Variants in ASAP1 observed in about 807,000 individuals in gnomAD.
The protein encoded by ASAP1 is ArfGAP with SH3 domain, ankyrin repeat and PH domain 1, also known as arf-GAP with SH3 domain, ANK repeat and PH domain-containing protein 1.
A neutral mutation model predicts 145.2 loss-of-function variants in ASAP1; 43 were observed. The observed-to-expected ratio is 0.30, with a 90% CI of 0.23 to 0.38. The LOEUF (loss-of-function observed/expected upper bound fraction) is 0.38, where lower values mean the gene tolerates loss of function less well. Ranked by LOEUF, ASAP1 falls within the 10% of genes least tolerant of loss-of-function variation. The pLI, the probability that ASAP1 is intolerant of heterozygous loss-of-function variation, is 1.00. For missense variants in ASAP1, 1,018 were observed against 1,355.3 expected (o/e 0.75, Z 3.91); for synonymous variants, 546 against 515.5 (o/e 1.06, Z -0.80).
rs1410084805 is a variant in ASAP1 at position 130,228,720 on chromosome 8, AAG to A, written c.259+8200_259+8201del. ...TGTCTTAAAAAAAAAAAAAAAGAAA[AAG>A]AATCTAAATAATGAAAAAAAACAAA... On this transcript the variant is annotated intron_variant, in intron 4 of 29. Transcript: ENST00000518721. Among the ~76,000 whole-genome samples, 32 of 151,924 alleles carry A rather than the reference AAG, an allele frequency of 2.1e-4. No homozygotes were observed. The South Asian group carries it at 6.6e-3, about 32-fold the overall frequency.
intron 2 of ASAP1, among the ~76,000 whole-genome samples, chr8:130,359,686 CAATCTCGGCTCACTG>C (rs2138177985): frequency 6.6e-6 from 1 of 151,280 alleles, no homozygotes; most frequent in South Asian, 2.1e-4. Context: ...TGCAGTGGCG[CAATCTCGGCTCACTG>C]CAAGCTCCGC....
At chr8:130,424,464 T>C (rs973677137) in intron 1 of ASAP1, among the ~76,000 whole-genome samples, 2 of 152,236 alleles carry the variant, frequency 1.3e-5, no homozygotes, top group Admixed American at 6.5e-5. Flanking sequence ...CTCTCTGACT[T>C]TGCTCTTCCC....
At chr8:130,156,256 G>C (rs1565028405) in intron 12 of ASAP1, among the ~76,000 whole-genome samples, 1 of 152,178 alleles carries the variant, frequency 6.6e-6, no homozygotes, top group Non-Finnish European at 1.5e-5. Context: ...AAATGAGTCT[G>C]TTTTCATGTA....
intron 3 of ASAP1, among the ~76,000 whole-genome samples, chr8:130,311,710 G>A (rs1488264865): frequency 8.4e-5 from 11 of 131,572 alleles, no homozygotes; most frequent in African/African-American, 1.5e-4. Flanking sequence ...GCAGTGAACC[G>A]AGATCGCGCC....
chr8:130,118,291 G>T, intron 19 of ASAP1, 45 bp from the exon 20 acceptor site: 2 of 1,570,320 alleles, frequency 1.3e-6, no homozygotes, highest in Non-Finnish European at 1.7e-6. Context: ...AATATGCTCT[G>T]CCAAGGGAGG....
intron 9 of ASAP1, among the ~76,000 whole-genome samples, chr8:130,171,292 T>C (rs1486159505): frequency 6.6e-6 from 1 of 152,114 alleles, no homozygotes; most frequent in Non-Finnish European, 1.5e-5. Context: ...AGTAGTACGT[T>C]CCCATGTTGC....
chr8:130,203,851 TA>T (rs1239682984), intron 5 of ASAP1, among the ~76,000 whole-genome samples: 10 of 152,258 alleles, frequency 6.6e-5, no homozygotes, highest in Non-Finnish European at 1.0e-4. Flanking sequence ...AGAAGGCTGT[TA>T]ATTCTCTCCA....
intron 3 of ASAP1, among the ~76,000 whole-genome samples, chr8:130,345,852 A>C (rs1035552450): frequency 6.6e-6 from 1 of 152,246 alleles, no homozygotes; most frequent in Non-Finnish European, 1.5e-5. Context: ...TGTGACTAGT[A>C]TTACTAGGCC....
chr8:130,428,570 CCAT>C (rs764604968), intron 1 of ASAP1, among the ~76,000 whole-genome samples: 46 of 143,726 alleles, frequency 3.2e-4, no homozygotes, highest in East Asian at 1.7e-3. Context: ...ATCATCACCA[CCAT>C]CATCATCATC....
At chr8:130,087,025 C>T (rs916460952) in intron 25 of ASAP1, among the ~76,000 whole-genome samples, 4 of 152,120 alleles carry the variant, frequency 2.6e-5, no homozygotes, top group Non-Finnish European at 4.4e-5. Context: ...CATCTACTTC[C>T]TTCTTAAACC....
intron 2 of ASAP1, among the ~76,000 whole-genome samples, chr8:130,359,603 C>T (rs1424413825): frequency 6.6e-6 from 1 of 150,650 alleles, no homozygotes; most frequent in African/African-American, 2.4e-5. Flanking sequence ...GATTGGGCTT[C>T]TGCCATCTTG....
rs1829886868 is a variant in ASAP1 at position 130,425,583 on chromosome 8, C to T, written c.-28+17877G>A. ...CTCATGGACCAGCAGAGGGAACAGA[C>T]AGACAATGAAAGATCAGAGTGACAG... On this transcript the variant is annotated intron_variant, in intron 1 of 29. Transcript: ENST00000518721. Among the ~76,000 whole-genome samples, 3 of 152,098 alleles carry T rather than the reference C, an allele frequency of 2.0e-5. No individual in the cohort carries two copies. The South Asian group carries it at 6.2e-4, about 32-fold the overall frequency.
intron 4 of ASAP1, among the ~76,000 whole-genome samples, chr8:130,226,349 A>G (rs1179365915): frequency 1.3e-5 from 2 of 152,060 alleles, no homozygotes; most frequent in Non-Finnish European, 2.9e-5. Context: ...TATCTATAAC[A>G]CTAATTTGGA....
At chr8:130,084,716 C>A (rs1026006058) in intron 25 of ASAP1, 1 of 152,112 alleles carries the variant, frequency 6.6e-6, no homozygotes, top group Non-Finnish European at 1.5e-5. Context: ...TGCCTAATTT[C>A]CTCATCAGTA....
intron 3 of ASAP1, among the ~76,000 whole-genome samples, chr8:130,300,030 CA>C (rs1822526100): frequency 6.7e-6 from 1 of 150,102 alleles, no homozygotes; most frequent in Non-Finnish European, 1.5e-5. Flanking sequence ...TCTTGAAAAG[CA>C]ATTTAGCCAA....
chr8:130,396,040 T>C (rs1480449430), intron 2 of ASAP1, among the ~76,000 whole-genome samples: 1 of 152,208 alleles, frequency 6.6e-6, no homozygotes, highest in Non-Finnish European at 1.5e-5. Flanking sequence ...TGGAACATTT[T>C]CTAGTCTTTT....
intron 2 of ASAP1, among the ~76,000 whole-genome samples, chr8:130,371,586 A>G (rs1827215363): frequency 6.6e-6 from 1 of 152,220 alleles, no homozygotes; most frequent in South Asian, 2.1e-4. Flanking sequence ...AAGTGCCTTA[A>G]AAAGGGCTAA....
chr8:130,397,824 C>T (rs1295957101), intron 2 of ASAP1, among the ~76,000 whole-genome samples: 2 of 152,222 alleles, frequency 1.3e-5, no homozygotes, highest in Non-Finnish European at 2.9e-5. Context: ...GCATCCCATA[C>T]TGAACCTAAC....
At chr8:130,313,655 A>G (rs1823492479) in intron 3 of ASAP1, among the ~76,000 whole-genome samples, 2 of 152,232 alleles carry the variant, frequency 1.3e-5, no homozygotes, top group African/African-American at 4.8e-5. Flanking sequence ...TTTCAGCTAC[A>G]GAAAATAAAA....
Sources: allele counts gnomAD v4.1 joint callset (sites outside exome capture counted in the v4.1 genomes callset), GRCh38; gene constraint gnomAD v4.1.1; transcripts MANE v1.5; gene names NCBI Gene and HGNC (gene_info 2026-07-23, HGNC 2026-07-21).